GPHN: variants seen among roughly 807,000 people sequenced by gnomAD.
GPHN encodes gephyrin.
A neutral mutation model predicts 95.5 loss-of-function variants in GPHN; 17 were observed. That is an observed-to-expected ratio of 0.18 (90% CI 0.12 to 0.27). The LOEUF is 0.27. Ranked by LOEUF, GPHN falls within the 10% of genes least tolerant of loss-of-function variation. The pLI is 1.00. For missense variants in GPHN, 660 were observed against 978.1 expected (o/e 0.67, Z 4.34); for synonymous variants, 320 against 322.5 (o/e 0.99, Z 0.08).
chr14:67,359,260 C>T, the GPHN span, among the ~76,000 whole-genome samples: 9 of 152,216 alleles, frequency 5.9e-5, no homozygotes, highest in African/African-American at 7.2e-5. Context: ...TTATTAAAAC[C>T]TCCTTGGCCT....
intron 19 of GPHN, among the ~76,000 whole-genome samples, chr14:67,161,397 T>C (rs2081973845): frequency 6.6e-6 from 1 of 151,782 alleles, no homozygotes; most frequent in Non-Finnish European, 1.5e-5. Flanking sequence ...TCTGAGCCCA[T>C]GGGCAGTACT....
the GPHN span, among the ~76,000 whole-genome samples, chr14:67,238,619 A>G: frequency 6.6e-6 from 1 of 151,522 alleles, no homozygotes; most frequent in Admixed American, 6.6e-5. Flanking sequence ...CTCTTTTAAC[A>G]TGAAAATATC....
At chr14:67,057,612 A>C (rs1458748422) in intron 10 of GPHN, among the ~76,000 whole-genome samples, 1 of 152,214 alleles carries the variant, frequency 6.6e-6, no homozygotes, top group South Asian at 2.1e-4. Flanking sequence ...AAATAAAAAA[A>C]TAAAACTTAA....
chr14:67,172,324 C>CAG (rs1385316573), intron 21 of GPHN, among the ~76,000 whole-genome samples: 5 of 152,156 alleles, frequency 3.3e-5, no homozygotes, highest in African/African-American at 1.2e-4. Flanking sequence ...CTTGGCTGCT[C>CAG]AGAGCAGTCA....
the GPHN span, among the ~76,000 whole-genome samples, chr14:67,358,592 A>C: frequency 1.3e-5 from 2 of 152,134 alleles, no homozygotes; most frequent in East Asian, 3.9e-4. Context: ...CTCAGCCGCC[A>C]GGGAGGCTGA....
intron 1 of GPHN, among the ~76,000 whole-genome samples, chr14:66,652,548 A>G (rs2065097481): frequency 6.6e-6 from 1 of 151,662 alleles, no homozygotes; most frequent in South Asian, 2.1e-4. Context: ...TTTTTAAACT[A>G]GGGATTTGGT....
chr14:66,553,765 CG>C (rs1254347270), intron 1 of GPHN, among the ~76,000 whole-genome samples: 1 of 151,830 alleles, frequency 6.6e-6, no homozygotes, highest in African/African-American at 2.4e-5. Context: ...TTAGTAGAGA[CG>C]GGGTTTCACC....
intron 3 of GPHN, among the ~76,000 whole-genome samples, chr14:66,800,315 G>T (rs1334812077): frequency 1.3e-5 from 2 of 151,950 alleles, no homozygotes; most frequent in Non-Finnish European, 1.5e-5. Flanking sequence ...GTACCTTCAG[G>T]TGATTACTTA....
intron 2 of GPHN, among the ~76,000 whole-genome samples, chr14:66,732,723 GC>G (rs1244521342): frequency 6.6e-6 from 1 of 152,034 alleles, no homozygotes; most frequent in African/African-American, 2.4e-5. Context: ...CACCACATTG[GC>G]CAGGCTGCTC....
the GPHN span, among the ~76,000 whole-genome samples, chr14:67,665,687 G>A: frequency 6.6e-6 from 1 of 152,138 alleles, no homozygotes; most frequent in African/African-American, 2.4e-5. Context: ...CTGTGCCATA[G>A]ATCCTAGAAC....
intron 8 of GPHN, among the ~76,000 whole-genome samples, chr14:66,950,536 G>A (rs1453645808): frequency 1.3e-5 from 2 of 152,074 alleles, no homozygotes; most frequent in Non-Finnish European, 2.9e-5. Flanking sequence ...TCAAAGAACT[G>A]CTTGTAATTC....
At chr14:67,140,182 A>C (rs1165908788) in intron 17 of GPHN, among the ~76,000 whole-genome samples, 2 of 152,110 alleles carry the variant, frequency 1.3e-5, no homozygotes, top group Non-Finnish European at 2.9e-5. Context: ...TCAGGAGTTC[A>C]AGGCCAGCCT....
intron 1 of GPHN, among the ~76,000 whole-genome samples, chr14:66,660,283 G>C (rs977546602): frequency 6.6e-6 from 1 of 152,032 alleles, no homozygotes; most frequent in African/African-American, 2.4e-5. Context: ...GAAATATTTT[G>C]TACATACATA....
the GPHN span, among the ~76,000 whole-genome samples, chr14:67,190,823 T>C: frequency 1.3e-5 from 2 of 152,202 alleles, no homozygotes; most frequent in Non-Finnish European, 2.9e-5. Context: ...GTAAGAATCT[T>C]GGGAAAAATC....
the GPHN span, among the ~76,000 whole-genome samples, chr14:67,285,491 C>T: frequency 3.3e-5 from 5 of 151,792 alleles, no homozygotes; most frequent in Admixed American, 6.6e-5. Context: ...CTCAGCCTCC[C>T]GAGTAGCTGA....
chr14:66,729,146 G>C (rs929437593), intron 2 of GPHN, among the ~76,000 whole-genome samples: 1 of 152,120 alleles, frequency 6.6e-6, no homozygotes, highest in Non-Finnish European at 1.5e-5. Context: ...CTTCCACCAT[G>C]ATTGTGAGGC....
At chr14:66,926,560 A>G (rs2066493831) in intron 8 of GPHN, among the ~76,000 whole-genome samples, 1 of 152,114 alleles carries the variant, frequency 6.6e-6, no homozygotes, top group Non-Finnish European at 1.5e-5. Context: ...AGCTTACTGT[A>G]CTTATATGGA....
At chr14:67,380,170 G>A in the GPHN span, among the ~76,000 whole-genome samples, 1 of 152,176 alleles carries the variant, frequency 6.6e-6, no homozygotes, top group African/African-American at 2.4e-5. Flanking sequence ...AAACATGCCA[G>A]TTAATAAGAC....
chr14:66,722,552 T>C (rs2070859713), intron 2 of GPHN, among the ~76,000 whole-genome samples: 1 of 152,098 alleles, frequency 6.6e-6, no homozygotes, highest in African/African-American at 2.4e-5. Context: ...CAAGTGATCC[T>C]CCCACCTCAT....
Sources: gnomAD v4.1 joint callset for allele counts (sites outside exome capture counted in the v4.1 genomes callset) on GRCh38, gnomAD v4.1.1 for gene constraint, MANE v1.5 for transcripts, NCBI Gene and HGNC (gene_info 2026-07-23, HGNC 2026-07-21) for gene names.